Variants in ZNF880 observed in about 807,000 individuals in gnomAD.
ZNF880 encodes the protein zinc finger protein 880.
A neutral mutation model predicts 11.8 loss-of-function variants in ZNF880; 12 were observed. That is an observed-to-expected ratio of 1.02 (90% confidence interval 0.65 to 1.65). ZNF880 has a LOEUF of 1.65. Among genes scored for constraint, ZNF880 ranks in the 40% most tolerant of loss-of-function variants. The pLI, the probability that ZNF880 is intolerant of heterozygous loss-of-function variation, is 0.00. For missense variants in ZNF880, 601 were observed against 673.9 expected (o/e 0.89, Z 1.20); for synonymous variants, 210 against 232.4 (o/e 0.90, Z 0.88).
chr19:52,392,316 A>T, the ZNF880 span, among the ~76,000 whole-genome samples: 1,695 of 147,830 alleles, frequency 0.011, 34 homozygotes, highest in African/African-American at 0.04. Context: ...CTTTTCTTTC[A>T]CTTTGACGGA....
downstream of ZNF880, chr19:52,390,345 G>A (rs185566949): frequency 5.1e-5 from 22 of 427,188 alleles, no homozygotes; most frequent in African/African-American, 2.7e-4. Context: ...CAGGGAGGCC[G>A]TGAACTCTTC....
At chr19:52,393,480 T>C in the ZNF880 span, among the ~76,000 whole-genome samples, 5 of 151,870 alleles carry the variant, frequency 3.3e-5, no homozygotes, top group East Asian at 7.8e-4. Flanking sequence ...TTACTGTAAA[T>C]ATGAGAAAGG....
At chr19:52,393,994 A>C in the ZNF880 span, among the ~76,000 whole-genome samples, 1 of 148,328 alleles carries the variant, frequency 6.7e-6, no homozygotes, top group African/African-American at 2.5e-5. Context: ...CCGCCACCAC[A>C]CCTGGCTAAT....
Position 52,384,984 on chromosome 19 carries a change from A to G in ZNF880, c.1404A>G (p.Glu468=). ...HTGEKPYRCD[E]CGKDFTRNSN... The stretch of plus-strand genomic sequence containing the variant: ...GAGAGAAACCTTACAGATGTGATGA[A>G]TGTGGCAAGGACTTCACTCGAAATT... The change falls in exon 4 of 4, where the codon GAA becomes GAG. Residue 468 remains glutamate (E), a synonymous_variant. Transcript: ENST00000422689. 2.6e-6 allele frequency: 4 copies of G among 1,567,092 alleles called. No homozygotes were observed. Among genetic ancestry groups the G allele is most frequent in the Non-Finnish European group, 3.5e-6 (4 of 1,154,922 alleles).
At chr19:52,372,823 T>G (rs1986420793) in intron 1 of ZNF880, among the ~76,000 whole-genome samples, 1 of 140,578 alleles carries the variant, frequency 7.1e-6, no homozygotes, top group South Asian at 2.2e-4. Context: ...GGCAGGAGAA[T>G]GGCGTGAACC....
chr19:52,393,875 C>T, the ZNF880 span, among the ~76,000 whole-genome samples: 63,684 of 133,060 alleles, frequency 0.48, 15,548 homozygotes, highest in East Asian at 0.67. Flanking sequence ...CTTGCTCTGT[C>T]GCCCAGGCTG....
intron 1 of ZNF880, among the ~76,000 whole-genome samples, chr19:52,372,700 G>T (rs1317316896): frequency 6.7e-6 from 1 of 148,982 alleles, no homozygotes; most frequent in Non-Finnish European, 1.5e-5. Context: ...AGGAGATCGA[G>T]ACCATCCTGT....
At chr19:52,377,479 T>G (rs1600248740) in intron 3 of ZNF880, among the ~76,000 whole-genome samples, 1 of 152,278 alleles carries the variant, frequency 6.6e-6, no homozygotes, top group Non-Finnish European at 1.5e-5. Context: ...ATATTATGTA[T>G]CTGGAATTAG....
At chr19:52,397,629 C>T in the ZNF880 span, 1 of 151,980 alleles carries the variant, frequency 6.6e-6, no homozygotes, top group Non-Finnish European at 1.5e-5. Context: ...AAGGAATTTT[C>T]GTGGATATAA....
chr19:52,392,819 G>A, the ZNF880 span: 4 of 182,684 alleles, frequency 2.2e-5, no homozygotes, highest in East Asian at 3.1e-4. Context: ...AGTGGAAGCT[G>A]TATATATATA....
chr19:52,383,423 C>G (rs1568664259), intron 3 of ZNF880, among the ~76,000 whole-genome samples: 1 of 151,646 alleles, frequency 6.6e-6, no homozygotes, highest in African/African-American at 2.4e-5. Context: ...AAGCGTTGTG[C>G]AGGATACCTT....
At chr19:52,388,573 A>G (rs539754105), downstream of ZNF880, among the ~76,000 whole-genome samples, 1 of 152,028 alleles carries the variant, frequency 6.6e-6, no homozygotes, top group East Asian at 1.9e-4. Flanking sequence ...ACCATGCTTG[A>G]CCGATAATTT....
the ZNF880 span, chr19:52,396,193 T>C: frequency 6.7e-6 from 1 of 149,472 alleles, no homozygotes; most frequent in Non-Finnish European, 1.5e-5. Flanking sequence ...TGGTCTCTAA[T>C]TCCCGACCTC....
In ZNF880 at chr19:52,373,228, G is replaced by C. The variant is rs778549232; in HGVS notation, c.130G>C (p.Val44Leu). ...GATGGTGGAGAACTACAGGAACCTGGTCTTTCTGGGTGAGGATAATGTCCC... is the reference window on the plus strand; with the variant it reads ...GATGGTGGAGAACTACAGGAACCTGCTCTTTCTGGGTGAGGATAATGTCCC... ...EVMVENYRNL[V>L]FLGICLPDLS... is the part of the protein sequence containing the mutation. The change falls in exon 2 of 4, where the codon GTC (valine) becomes CTC (leucine). Residue 44 changes from valine (V) to leucine (L), a missense_variant. Physicochemically the swap from Val to Leu is conservative, Grantham distance 32. Around this residue, in one of 3 missense-constraint regions of ZNF880, gnomAD observed 420 missense variants for 442.6 expected, o/e 0.95. Coordinates refer to ENST00000422689, the MANE Select transcript of ZNF880 (RefSeq NM_001145434.2). 3.7e-6 allele frequency: 6 copies of C among 1,612,098 alleles called. No individual in the cohort carries two copies. In the East Asian group the frequency reaches 1.3e-4, roughly 36 times the overall value.
chr19:52,393,769 AT>A, the ZNF880 span, among the ~76,000 whole-genome samples: 17 of 148,438 alleles, frequency 1.1e-4, no homozygotes, highest in East Asian at 3.2e-3. Context: ...TTTTATCAGC[AT>A]TTGGTAGTTG....
At chr19:52,368,603 T>C (rs1318799951), upstream of ZNF880, among the ~76,000 whole-genome samples, 5 of 149,466 alleles carry the variant, frequency 3.3e-5, no homozygotes, top group Non-Finnish European at 7.5e-5. Context: ...TCATGATTGC[T>C]AAAGGGTAGG....
chr19:52,388,434 C>T (rs552304442), downstream of ZNF880, among the ~76,000 whole-genome samples: 29 of 151,098 alleles, frequency 1.9e-4, no homozygotes, highest in East Asian at 3.9e-3. Flanking sequence ...TGCACCACCA[C>T]GCCCAGCTAA....
intron 3 of ZNF880, among the ~76,000 whole-genome samples, chr19:52,381,584 G>A (rs1986705864): frequency 6.6e-6 from 1 of 152,082 alleles, no homozygotes; most frequent in Non-Finnish European, 1.5e-5. Flanking sequence ...ATCAAACATA[G>A]TAACTATTAA....
At chr19:52,370,136 C>T (rs1194293305) in intron 1 of ZNF880, 159 bp downstream of exon 1, 6 of 971,900 alleles carry the variant, frequency 6.2e-6, no homozygotes, top group African/African-American at 3.2e-5. Context: ...GGTCGCTTCC[C>T]TGAGTGTTAA....
Sources: allele counts gnomAD v4.1 joint callset (sites outside exome capture counted in the v4.1 genomes callset), GRCh38; gene constraint gnomAD v4.1.1; regional missense constraint gnomAD v4.1.1; transcripts MANE v1.5; gene names NCBI Gene and HGNC (gene_info 2026-07-23, HGNC 2026-07-21).